The following ANKS3 variants were observed in gnomAD, a reference collection of about 807,000 sequenced individuals.
ANKS3 encodes the protein ankyrin repeat and sterile alpha motif domain containing 3, also known as ankyrin repeat and SAM domain-containing protein 3.
A neutral mutation model predicts 80.7 loss-of-function variants in ANKS3; 62 were observed. The observed-to-expected ratio is 0.77, with a 90% CI of 0.63 to 0.95. ANKS3 has a LOEUF of 0.95. Ranked by LOEUF, ANKS3 falls within the 40% of genes least tolerant of loss-of-function variation. The probability of loss-of-function intolerance (pLI) is 0.00; values close to 1 mark genes in which losing one functional copy is unlikely to be tolerated. For synonymous variants in ANKS3, 489 were observed against 355.3 expected, an observed-to-expected ratio of 1.38 and a Z score of -4.23; for missense variants, 1,150 against 883.6, an observed-to-expected ratio of 1.30 and a Z score of -3.82.
intron 7 of ANKS3, among the ~76,000 whole-genome samples, chr16:4,711,098 A>ATT (rs35899381): frequency 0.45 from 46,394 of 104,226 alleles, 11,121 homozygotes; most frequent in East Asian, 0.62. Flanking sequence ...CTGAAACAGA[A>ATT]TTTTTTTTTT....
In ANKS3 at chr16:4,697,405, A is replaced by T; in HGVS notation, c.1822T>A (p.Trp608Arg). 6.2e-7 allele frequency: 1 copy of T among 1,605,954 alleles called. No individual in the cohort carries two copies. The highest frequency in any genetic ancestry group is 8.5e-7 in the Non-Finnish European group (1 of 1,176,712). ...CTCATGGCCTGCAGGGACGCTTGCC[A>T]GCCCTTGGAGTCTGTGGTGCAGGTG... ...LAVPPADSKG[W>R]QASLQAMSLP... is the part of the protein sequence containing the mutation. Residue 608 changes from tryptophan (W) to arginine (R), a missense_variant, in exon 16 of 18, where the codon TGG becomes AGG. Physicochemically the swap from Trp to Arg is moderately radical, Grantham distance 101. Transcript: ENST00000304283.
chr16:4,698,749 G>T, intron 13 of ANKS3, 51 bp downstream of exon 13: 1 of 1,557,732 alleles, frequency 6.4e-7, no homozygotes. Context: ...CAGAGATGGA[G>T]CCAACTCACG....
At chr16:4,700,768 G>A (rs778804946) in intron 11 of ANKS3, 3 of 794,748 alleles carry the variant, frequency 3.8e-6, no homozygotes, top group East Asian at 5.0e-5. Flanking sequence ...TTTCCGTGGA[G>A]AGGAACAGAG....
chr16:4,728,439 G>C (rs1044290892), intron 3 of ANKS3, among the ~76,000 whole-genome samples: 1 of 152,144 alleles, frequency 6.6e-6, no homozygotes, highest in Admixed American at 6.5e-5. Flanking sequence ...CATTCCAGAA[G>C]GTCCTGATAC....
intron 6 of ANKS3, among the ~76,000 whole-genome samples, chr16:4,724,276 G>C (rs919943775): frequency 3.2e-4 from 49 of 152,202 alleles, no homozygotes; most frequent in African/African-American, 1.1e-3. Flanking sequence ...ATGTCTCTAA[G>C]TTACAGACTA....
chr16:4,698,773 C>T, intron 13 of ANKS3, 27 bp downstream of exon 13: 1 of 1,576,542 alleles, frequency 6.3e-7, no homozygotes, highest in Non-Finnish European at 8.6e-7. Context: ...GTCACCCTGC[C>T]CCCCCATCCC....
chr16:4,706,457 G>C (rs548352036), intron 7 of ANKS3, among the ~76,000 whole-genome samples: 3 of 152,062 alleles, frequency 2.0e-5, no homozygotes, highest in Non-Finnish European at 2.9e-5. Context: ...GGCTGGTCTC[G>C]ATCTCCTGAC....
rs1457694821 is a variant in ANKS3, at chr16:4,733,981, A to G, written c.-114T>C. 2.0e-6 allele frequency: 2 copies of G among 985,358 alleles called. No homozygotes were observed. Among genetic ancestry groups the G allele is most frequent in the East Asian group, 2.3e-4 (2 of 8,814 alleles). The allele number at this position is 985,358 out of a possible 1,614,324, so 61.0% of individuals were successfully genotyped here. Reference sequence around the variant, plus strand: ...CGCCCCCCGGCCACATCCCCACAGGAACGCTACGGCGCACAGGGCATTACT... The same window carrying G: ...CGCCCCCCGGCCACATCCCCACAGGGACGCTACGGCGCACAGGGCATTACT... On this transcript the variant is annotated 5_prime_UTR_variant, in exon 1 of 18. Transcript: ENST00000304283.
chr16:4,722,028 G>C (rs923111208), intron 6 of ANKS3, among the ~76,000 whole-genome samples: 1 of 151,438 alleles, frequency 6.6e-6, no homozygotes, highest in Non-Finnish European at 1.5e-5. Context: ...GCAGGACCAT[G>C]AGCATGTGTG....
At chr16:4,720,550 G>A (rs921375755) in intron 6 of ANKS3, among the ~76,000 whole-genome samples, 3 of 151,086 alleles carry the variant, frequency 2.0e-5, no homozygotes, top group Admixed American at 1.3e-4. Flanking sequence ...ACCCACTACC[G>A]ACTGAACCCA....
intron 7 of ANKS3, among the ~76,000 whole-genome samples, chr16:4,706,131 T>G (rs1253224822): frequency 6.6e-6 from 1 of 152,094 alleles, no homozygotes; most frequent in South Asian, 2.1e-4. Context: ...TGACCTCAGG[T>G]GATCCACCCA....
At chr16:4,704,261 G>T (rs1261211481) in intron 8 of ANKS3, among the ~76,000 whole-genome samples, 1 of 152,166 alleles carries the variant, frequency 6.6e-6, no homozygotes, top group East Asian at 1.9e-4. Flanking sequence ...GTCTAGAAGG[G>T]AATTCAATTA....
intron 6 of ANKS3, among the ~76,000 whole-genome samples, chr16:4,721,625 G>T (rs112308158): frequency 0.013 from 1,929 of 145,462 alleles, 39 homozygotes; most frequent in African/African-American, 0.035. Context: ...TTGATTTATT[G>T]ATTTATTTAT....
In ANKS3 at chr16:4,699,090, C is replaced by G; in HGVS notation, c.1371G>C (p.Leu457=). The G allele has an allele frequency of 6.2e-7, 1 of 1,614,164 alleles. No individual in the cohort carries two copies. The highest frequency in any genetic ancestry group is 8.5e-7 in the Non-Finnish European group (1 of 1,180,036). The stretch of plus-strand genomic sequence containing the variant: ...CCTTCAGGTCGCTCTCAGTGAGGGT[C>G]AGAAAGATGCGGAGGTCCACGTCCT... ...EEQDVDLRIF[L]TLTESDLKEI... is the part of the protein sequence containing the mutation. Residue 457 remains leucine (L), a synonymous_variant, in exon 12 of 18, where the codon CTG becomes CTC. Transcript: ENST00000304283.
intron 7 of ANKS3, among the ~76,000 whole-genome samples, chr16:4,706,448 G>C (rs933976477): frequency 6.6e-6 from 1 of 152,076 alleles, no homozygotes; most frequent in Admixed American, 6.6e-5. Flanking sequence ...TGTTGGCCAG[G>C]CTGGTCTCGA....
At chr16:4,711,665 T>C (rs2080491556) in intron 7 of ANKS3, among the ~76,000 whole-genome samples, 4 of 137,968 alleles carry the variant, frequency 2.9e-5, no homozygotes, top group Admixed American at 7.7e-5. Context: ...TTGCGGTGAG[T>C]CAAGATCGAG....
chr16:4,726,561 GT>G (rs2142152863), intron 5 of ANKS3, 97 bp downstream of exon 5: 2 of 1,336,726 alleles, frequency 1.5e-6, no homozygotes, highest in East Asian at 4.7e-5. Context: ...CCGAAGCAGG[GT>G]GGCCCTAAAC....
chr16:4,700,807 A>G (rs765070625), intron 11 of ANKS3, 163 bp downstream of exon 11: 14 of 946,992 alleles, frequency 1.5e-5, no homozygotes, highest in Non-Finnish European at 2.4e-5. Context: ...GCTGCCAGCC[A>G]TGGAGCCGGC....
At chr16:4,724,878 G>A (rs370194709) in intron 5 of ANKS3, 47 bp from the exon 6 acceptor site, 13 of 1,585,868 alleles carry the variant, frequency 8.2e-6, no homozygotes, top group South Asian at 3.4e-5. Flanking sequence ...GACAAGTTCC[G>A]CCAGGCAAAA....
Sources: gnomAD v4.1 joint callset for allele counts (sites outside exome capture counted in the v4.1 genomes callset) on GRCh38, gnomAD v4.1.1 for gene constraint, MANE v1.5 for transcripts, NCBI Gene and HGNC (gene_info 2026-07-23, HGNC 2026-07-21) for gene names.